Variants in ERN1 observed in about 807,000 individuals in gnomAD.
The protein encoded by ERN1 is endoplasmic reticulum to nucleus signaling 1.
In ERN1, 39 loss-of-function variants were observed where a neutral mutation model predicts 113.1. That is an observed-to-expected ratio of 0.34 (90% CI 0.27 to 0.45). The LOEUF is 0.45. Ranked by LOEUF, ERN1 falls within the 20% of genes least tolerant of loss-of-function variation. ERN1 has a pLI of 1.00. For synonymous variants in ERN1, 507 were observed against 515.9 expected (o/e 0.98, Z 0.23); for missense variants, 976 against 1,274.8 (o/e 0.77, Z 3.57).
chr17:64,090,230 T>A (rs1914050053), intron 2 of ERN1, among the ~76,000 whole-genome samples: 1 of 152,208 alleles, frequency 6.6e-6, no homozygotes, highest in Non-Finnish European at 1.5e-5. Flanking sequence ...TCAGCAGAAC[T>A]GGAAAAGGAT....
intron 18 of ERN1, among the ~76,000 whole-genome samples, chr17:64,048,523 G>A (rs1201916887): frequency 6.6e-6 from 1 of 152,154 alleles, no homozygotes; most frequent in Non-Finnish European, 1.5e-5. Flanking sequence ...TAATTTAGTT[G>A]TAATTTTTTC....
At chr17:64,116,654 AACACACAC>A (rs149334208) in intron 1 of ERN1, among the ~76,000 whole-genome samples, 3 of 149,674 alleles carry the variant, frequency 2.0e-5, no homozygotes, top group Non-Finnish European at 4.5e-5. Context: ...AAAAAAAAAT[AACACACAC>A]ACACACACAC....
At chr17:64,082,746 C>T (rs1231469656) in intron 2 of ERN1, among the ~76,000 whole-genome samples, 1 of 152,124 alleles carries the variant, frequency 6.6e-6, no homozygotes, top group Non-Finnish European at 1.5e-5. Context: ...GCCTCAGGTC[C>T]CAAGATATGC....
chr17:64,085,934 A>C (rs891820445), intron 2 of ERN1, among the ~76,000 whole-genome samples: 1 of 152,198 alleles, frequency 6.6e-6, no homozygotes, highest in Non-Finnish European at 1.5e-5. Context: ...GGGGATATTA[A>C]GGGAGACTGA....
rs1475517053 is a variant in ERN1, at chr17:64,052,862, CTG to C, written c.2169_2170del (p.His723GlnfsTer25). ...AGGCACCCCAGATCGGCGGCTGAAA[CTG>C]TGTCTGCCCACTGCCAGCTTCTTGC... On this transcript the variant is annotated frameshift_variant, in exon 17 of 22. Transcript: ENST00000433197. LOFTEE classifies it high-confidence loss of function. 5.0e-6 allele frequency: 8 copies of C among 1,614,056 alleles called. No homozygotes were observed. The highest frequency in any genetic ancestry group is 5.1e-6 in the Non-Finnish European group (6 of 1,179,906).
intron 7 of ERN1, chr17:64,067,134 G>A (rs911677928): frequency 4.6e-5 from 28 of 608,546 alleles, no homozygotes; most frequent in African/African-American, 9.2e-5. Context: ...GCTGGCTGGC[G>A]TATAAACACA....
At chr17:64,053,816 G>T (rs1912766248) in intron 15 of ERN1, among the ~76,000 whole-genome samples, 1 of 152,162 alleles carries the variant, frequency 6.6e-6, no homozygotes, top group South Asian at 2.1e-4. Flanking sequence ...GCATGCTGGG[G>T]GGACCACCCT....
chr17:64,105,326 C>T (rs1038438129), intron 1 of ERN1, among the ~76,000 whole-genome samples: 1 of 151,932 alleles, frequency 6.6e-6, no homozygotes, highest in African/African-American at 2.4e-5. Flanking sequence ...CCAGTCTGGT[C>T]TTGAACTCCT....
intron 1 of ERN1, chr17:64,103,110 A>G: frequency 4.5e-6 from 1 of 220,994 alleles, no homozygotes; most frequent in Non-Finnish European, 7.6e-6. Flanking sequence ...TCCTCACTGC[A>G]GCCCTACTCA....
In ERN1 at chr17:64,043,882, TG is replaced by T; in HGVS notation, c.*105del. The T allele has an allele frequency of 1.3e-6, 1 of 783,946 alleles. No homozygotes were observed. The highest frequency in any genetic ancestry group is 2.1e-6 in the Non-Finnish European group (1 of 482,280). The allele number at this position is 783,946 out of a possible 1,614,324, so 48.6% of individuals were successfully genotyped here. ...AGCAGGCAGCTCAAGGCACTTGGTT[TG>T]GGAAGCCTGGTCTCCCTGCAAAGCC... On this transcript the variant is annotated 3_prime_UTR_variant, in exon 22 of 22. Transcript: ENST00000433197.
chr17:64,041,168 A>G lies in ERN1; in HGVS notation c.*2820T>C, dbSNP rs1332227424. On this transcript the variant is annotated 3_prime_UTR_variant, in exon 22 of 22. Transcript: ENST00000433197. ...GTCTCAAAAAAACAAAAAACAAACG[A>G]AAAAACACTGAAATTAAAAAGACTC... The G allele has an allele frequency of 6.6e-6, 1 of 152,302 alleles. No homozygotes were observed. Among genetic ancestry groups the G allele is most frequent in the Admixed American group, 6.5e-5 (1 of 15,290 alleles). 9.4% of individuals were successfully genotyped at this position (152,302 alleles called of 1,614,324 possible).
chr17:64,088,080 A>G (rs1368109868), intron 2 of ERN1, among the ~76,000 whole-genome samples: 2 of 152,194 alleles, frequency 1.3e-5, no homozygotes, highest in African/African-American at 4.8e-5. Flanking sequence ...CCATGTAGGA[A>G]GAAGTAAGAT....
At chr17:64,090,043 C>T (rs972173042) in intron 2 of ERN1, among the ~76,000 whole-genome samples, 4 of 152,184 alleles carry the variant, frequency 2.6e-5, no homozygotes, top group Non-Finnish European at 5.9e-5. Flanking sequence ...CCAGTGGCAG[C>T]TCATTCCTTC....
At position 64,066,778 on chromosome 17, in the gene ERN1, G is replaced by A. The variant is rs575026496; in HGVS notation, c.735C>T (p.Val245=). Residue 245 remains valine, a synonymous_variant, in exon 8 of 22, where the codon GTC becomes GTT. Coordinates refer to ENST00000433197, the MANE Select transcript of ERN1 (RefSeq NM_001433.5). The stretch of plus-strand genomic sequence containing the variant: ...TCAGATAGCGCAGGGTCTCCACAGC[G>A]ACATTGATGTGCATCACCTTCCTCA... The part of the protein sequence containing the change: ...EGLRKVMHIN[V]AVETLRYLTF... 87 of 1,613,798 alleles carry A rather than the reference G, an allele frequency of 5.4e-5. No individual in the cohort carries two copies. The highest frequency in any genetic ancestry group is 6.9e-5 in the Non-Finnish European group (82 of 1,179,882).
intron 2 of ERN1, among the ~76,000 whole-genome samples, chr17:64,095,074 C>G (rs544491084): frequency 1.3e-5 from 2 of 152,256 alleles, no homozygotes; most frequent in South Asian, 4.1e-4. Flanking sequence ...TAAGTCAAGG[C>G]CACTGGTATC....
chr17:64,042,266 G>A lies in ERN1; in HGVS notation c.*1722C>T, dbSNP rs766433471. ...GCCAAGGACACCGACCAAGGGCCAAGGTTCCAAGGCCTAAGTGAGGTAATC... is the reference window on the plus strand; with the variant it reads ...GCCAAGGACACCGACCAAGGGCCAAAGTTCCAAGGCCTAAGTGAGGTAATC... On this transcript the variant is annotated 3_prime_UTR_variant, in exon 22 of 22. Transcript: ENST00000433197. The A allele has an allele frequency of 3.3e-5, 5 of 152,206 alleles. No homozygotes were observed. Among genetic ancestry groups the A allele is most frequent in the Non-Finnish European group, 7.3e-5 (5 of 68,044 alleles). 9.4% of individuals were successfully genotyped at this position (152,206 alleles called of 1,614,324 possible).
chr17:64,075,073 T>G (rs542898953), intron 5 of ERN1, 102 bp downstream of exon 5: 2 of 960,272 alleles, frequency 2.1e-6, no homozygotes, highest in Non-Finnish European at 3.3e-6. Flanking sequence ...AAAGAAAGGG[T>G]TGGCAAGGCG....
At chr17:64,052,496 CTG>C (rs1429249857) in intron 17 of ERN1, among the ~76,000 whole-genome samples, 2 of 148,998 alleles carry the variant, frequency 1.3e-5, no homozygotes, top group Non-Finnish European at 3.0e-5. Context: ...CAGTAAGACT[CTG>C]TCACACAAAA....
At chr17:64,074,475 T>C (rs1913526067) in intron 5 of ERN1, among the ~76,000 whole-genome samples, 1 of 152,202 alleles carries the variant, frequency 6.6e-6, no homozygotes, top group Non-Finnish European at 1.5e-5. Context: ...CTCAGTGTCC[T>C]GAGCAAAACC....
Sources: allele counts gnomAD v4.1 joint callset (sites outside exome capture counted in the v4.1 genomes callset), GRCh38; gene constraint gnomAD v4.1.1; transcripts MANE v1.5; gene names NCBI Gene and HGNC (gene_info 2026-07-23, HGNC 2026-07-21).